Variants in RBPJ observed in about 807,000 individuals in gnomAD.
RBPJ encodes recombining binding protein suppressor of hairless.
A neutral mutation model predicts 67.8 loss-of-function variants in RBPJ; 9 were observed. The ratio of observed to expected loss-of-function variants is 0.13; its 90% confidence interval spans 0.08 to 0.23. The LOEUF (loss-of-function observed/expected upper bound fraction) is 0.23, where lower values mean the gene tolerates loss of function less well. Among genes scored for constraint, RBPJ ranks in the 10% least tolerant of loss-of-function variants. The pLI, the probability that RBPJ is intolerant of heterozygous loss-of-function variation, is 1.00. For missense variants in RBPJ, 305 were observed against 595.6 expected (o/e 0.51, Z 5.08); for synonymous variants, 198 against 203.3 (o/e 0.97, Z 0.22).
At chr4:26,418,996 T>A (rs1379215366) in intron 4 of RBPJ, among the ~76,000 whole-genome samples, 1 of 152,196 alleles carries the variant, frequency 6.6e-6, no homozygotes, top group Non-Finnish European at 1.5e-5. Context: ...TTATTCATTT[T>A]GAGACAGGGT....
chr4:26,202,646 C>T (rs1049948450), intron 1 of RBPJ, among the ~76,000 whole-genome samples: 3 of 152,032 alleles, frequency 2.0e-5, no homozygotes, highest in Admixed American at 6.5e-5. Context: ...GTGGCTCATA[C>T]CTGTAATCCC....
At chr4:26,188,214 C>T (rs755232450) in intron 1 of RBPJ, among the ~76,000 whole-genome samples, 5 of 152,006 alleles carry the variant, frequency 3.3e-5, no homozygotes, top group Non-Finnish European at 7.4e-5. Flanking sequence ...GTCACACACA[C>T]ACACATACAC....
rs570360396 is a variant in RBPJ at position 26,266,042 on chromosome 4, A to G, written c.-166-96404A>G. ...GCAAGACTGTATCTCAAAAAAAAAA[A>G]GGATCTTGGTTCCAAGGCAGTTTCT... On this transcript the variant is annotated intron_variant, in intron 1 of 4. Coordinates refer to the RBPJ transcript ENST00000512351. 6.2e-4 allele frequency among the ~76,000 whole-genome samples: 94 copies of G among 152,128 alleles called. 1 individual carries two copies. Among genetic ancestry groups the G allele is most frequent in the Middle Eastern group, 3.4e-3 (1 of 292 alleles).
chr4:26,198,161 G>A lies in RBPJ; in HGVS notation c.-167+34547G>A, dbSNP rs192988196. 1.4e-3 allele frequency among the ~76,000 whole-genome samples: 216 copies of A among 152,234 alleles called. 4 individuals are homozygous for A. In the East Asian group the frequency reaches 0.037, roughly 26 times the overall value. The stretch of plus-strand genomic sequence containing the variant: ...CCCAGCTACTCGGGAGGCTGAGGCC[G>A]GAGAATTGCTTGAACCTGGGAGGCG... On this transcript the variant is annotated intron_variant, in intron 1 of 4. Transcript: ENST00000512351.
chr4:26,429,804 A>T, intron 8 of RBPJ, 94 bp from the exon 9 acceptor site: 1 of 1,018,594 alleles, frequency 9.8e-7, no homozygotes, highest in Non-Finnish European at 1.5e-6. Context: ...TTATCTTCTT[A>T]TTAACTCTTG....
chr4:26,404,611 T>C (rs1308473501), intron 2 of RBPJ, among the ~76,000 whole-genome samples: 1 of 152,218 alleles, frequency 6.6e-6, no homozygotes, highest in Admixed American at 6.5e-5. Flanking sequence ...TGGTGTTAGC[T>C]GTATAGCAGT....
intron 2 of RBPJ, among the ~76,000 whole-genome samples, chr4:26,386,948 A>G (rs1460495510): frequency 6.6e-6 from 1 of 152,092 alleles, no homozygotes; most frequent in East Asian, 1.9e-4. Flanking sequence ...GTCAGTGCAA[A>G]CCTTGCGTTT....
At chr4:26,198,387 A>G (rs1717860371) in intron 1 of RBPJ, among the ~76,000 whole-genome samples, 1 of 152,232 alleles carries the variant, frequency 6.6e-6, no homozygotes, top group African/African-American at 2.4e-5. Flanking sequence ...CAGGAAGTCA[A>G]GGGTTCATTG....
At chr4:26,416,191 G>A (rs1734568900) in intron 4 of RBPJ, among the ~76,000 whole-genome samples, 1 of 152,092 alleles carries the variant, frequency 6.6e-6, no homozygotes, top group Admixed American at 6.6e-5. Flanking sequence ...TAATTTTCTA[G>A]AGAAAACAAT....
chr4:26,323,423 TTTTAC>T (rs1252285522), intron 1 of RBPJ, among the ~76,000 whole-genome samples: 1 of 152,350 alleles, frequency 6.6e-6, no homozygotes, highest in East Asian at 1.9e-4. Context: ...CGTGTAATAC[TTTTAC>T]TTACATGATT....
At chr4:26,182,375 G>T (rs371193228) in intron 1 of RBPJ, among the ~76,000 whole-genome samples, 13 of 151,804 alleles carry the variant, frequency 8.6e-5, no homozygotes, top group African/African-American at 3.2e-4. Flanking sequence ...CAAAATTTTT[G>T]ACTCTTTCGT....
At chr4:26,253,307 CTTTTTTTTTTTT>C (rs1182769419) in intron 1 of RBPJ, among the ~76,000 whole-genome samples, 1 of 114,400 alleles carries the variant, frequency 8.7e-6, no homozygotes, top group Non-Finnish European at 1.8e-5. Context: ...TCTGCTATTT[CTTTTTTTTTTTT>C]TTTTTTTTTT....
intron 1 of RBPJ, among the ~76,000 whole-genome samples, chr4:26,174,170 A>G (rs1716713304): frequency 6.6e-6 from 1 of 152,188 alleles, no homozygotes; most frequent in Non-Finnish European, 1.5e-5. Flanking sequence ...GAAAGTGATG[A>G]TTGTGTGGAC....
At chr4:26,428,193 G>A (rs1394114527) in intron 7 of RBPJ, among the ~76,000 whole-genome samples, 1 of 152,208 alleles carries the variant, frequency 6.6e-6, no homozygotes, top group East Asian at 1.9e-4. Context: ...TAAGACGTTT[G>A]CACTGACAGT....
chr4:26,303,440 GA>G (rs61104406), intron 1 of RBPJ, among the ~76,000 whole-genome samples: 847 of 75,704 alleles, frequency 0.011, 10 homozygotes, highest in African/African-American at 0.036. Flanking sequence ...ACTCCAGTCT[GA>G]AAAAAAAAAA....
upstream of RBPJ, among the ~76,000 whole-genome samples, chr4:26,160,430 T>C (rs1716054484): frequency 1.3e-5 from 2 of 152,238 alleles, no homozygotes; most frequent in African/African-American, 2.4e-5. Context: ...ACTGGTAGTT[T>C]GTCATTGTCC....
chr4:26,397,188 C>G (rs925077905), intron 2 of RBPJ, among the ~76,000 whole-genome samples: 1 of 152,184 alleles, frequency 6.6e-6, no homozygotes, highest in Non-Finnish European at 1.5e-5. Context: ...GATTGAGACA[C>G]GCTTCTTTGT....
At chr4:26,306,825 C>A (rs956382420) in intron 1 of RBPJ, among the ~76,000 whole-genome samples, 1 of 151,810 alleles carries the variant, frequency 6.6e-6, no homozygotes, top group African/African-American at 2.4e-5. Context: ...TCTTGGTCAC[C>A]CATTTTCAGC....
the RBPJ span, among the ~76,000 whole-genome samples, chr4:26,124,932 T>C: frequency 6.6e-6 from 1 of 152,168 alleles, no homozygotes; most frequent in South Asian, 2.1e-4. Context: ...AGGACTGCTA[T>C]GGCAACAGCA....
Sources: gnomAD v4.1 joint callset for allele counts (sites outside exome capture counted in the v4.1 genomes callset) on GRCh38, gnomAD v4.1.1 for gene constraint, MANE v1.5 for transcripts, NCBI Gene and HGNC (gene_info 2026-07-23, HGNC 2026-07-21) for gene names.